SGCZ: variants seen among roughly 807,000 people sequenced by gnomAD.
The protein encoded by SGCZ is sarcoglycan zeta, also known as zeta-sarcoglycan.
Under a neutral mutation model 41.3 loss-of-function variants are expected in SGCZ, and 40 were observed. The observed-to-expected ratio is 0.97, with a 90% confidence interval of 0.75 to 1.26. The LOEUF is 1.26. Ranked by LOEUF, SGCZ falls within the 50% of genes most tolerant of loss-of-function variation. The probability of loss-of-function intolerance (pLI) is 0.00; values close to 1 mark genes in which losing one functional copy is unlikely to be tolerated. For missense variants in SGCZ, 552 were observed against 369.8 expected, an observed-to-expected ratio of 1.49 and a Z score of -4.04; for synonymous variants, 206 against 137.5, an observed-to-expected ratio of 1.50 and a Z score of -3.49.
intron 1 of SGCZ, among the ~76,000 whole-genome samples, chr8:14,931,586 G>T (rs115663772): frequency 6.6e-6 from 1 of 151,888 alleles, no homozygotes; most frequent in Non-Finnish European, 1.5e-5. Context: ...ATCTGATTAT[G>T]ATAGTCTTTT....
chr8:14,836,982 T>G (rs4240175), intron 1 of SGCZ, among the ~76,000 whole-genome samples: 98,791 of 151,964 alleles, frequency 0.65, 33,468 homozygotes, highest in African/African-American at 0.83. Context: ...ATAAACCTTT[T>G]CATATATACT....
chr8:14,897,153 T>A (rs1451521530), intron 1 of SGCZ, among the ~76,000 whole-genome samples: 2 of 152,144 alleles, frequency 1.3e-5, no homozygotes, highest in African/African-American at 4.8e-5. Flanking sequence ...ATTAGCTTGA[T>A]AGTGTTATTA....
At chr8:14,717,654 G>C (rs1028262112) in intron 1 of SGCZ, among the ~76,000 whole-genome samples, 3 of 152,048 alleles carry the variant, frequency 2.0e-5, no homozygotes, top group African/African-American at 2.4e-5. Flanking sequence ...TGCTGTGGTA[G>C]TCATTACATT....
chr8:14,965,571 A>G (rs181802625), intron 1 of SGCZ, among the ~76,000 whole-genome samples: 1 of 152,274 alleles, frequency 6.6e-6, no homozygotes, highest in Admixed American at 6.5e-5. Flanking sequence ...AATACACTAC[A>G]CTACAAGAAA....
At chr8:14,825,948 A>G (rs1466845633) in intron 1 of SGCZ, among the ~76,000 whole-genome samples, 1 of 151,762 alleles carries the variant, frequency 6.6e-6, no homozygotes, top group Non-Finnish European at 1.5e-5. Flanking sequence ...TAATTTTATT[A>G]TTATTATACT....
intron 2 of SGCZ, among the ~76,000 whole-genome samples, chr8:14,547,272 G>C (rs551216363): frequency 2.1e-4 from 32 of 152,226 alleles, no homozygotes; most frequent in African/African-American, 7.0e-4. Flanking sequence ...TGTTTCAAAA[G>C]AAGATTAGCT....
chr8:14,932,095 G>C (rs916006312), intron 1 of SGCZ, among the ~76,000 whole-genome samples: 2 of 151,798 alleles, frequency 1.3e-5, no homozygotes, highest in African/African-American at 2.4e-5. Flanking sequence ...GCTGGAAATA[G>C]AATGTGACAT....
At chr8:14,264,566 A>C (rs1799807003) in intron 3 of SGCZ, among the ~76,000 whole-genome samples, 1 of 152,146 alleles carries the variant, frequency 6.6e-6, no homozygotes, top group African/African-American at 2.4e-5. Context: ...AGTAACAAAA[A>C]TGGGCTTAGA....
intron 1 of SGCZ, among the ~76,000 whole-genome samples, chr8:14,798,394 G>C (rs1801207397): frequency 6.6e-6 from 1 of 152,020 alleles, no homozygotes; most frequent in Admixed American, 6.6e-5. Flanking sequence ...GTTACTTACA[G>C]GCTTTAATTT....
At chr8:14,560,887 A>C (rs1046280598) in intron 1 of SGCZ, among the ~76,000 whole-genome samples, 2 of 152,146 alleles carry the variant, frequency 1.3e-5, no homozygotes, top group African/African-American at 2.4e-5. Flanking sequence ...AAAGTTATGA[A>C]ATTAAAGCTA....
At chr8:15,219,320 G>A (rs268340) in intron 1 of SGCZ, among the ~76,000 whole-genome samples, 128,294 of 152,054 alleles carry the variant, frequency 0.84, 54,737 homozygotes, top group Non-Finnish European at 0.91. Flanking sequence ...TGTATAAAAT[G>A]TAAACACAAT....
intron 1 of SGCZ, among the ~76,000 whole-genome samples, chr8:15,024,451 G>C (rs959342933): frequency 2.6e-5 from 4 of 152,040 alleles, no homozygotes; most frequent in Admixed American, 6.6e-5. Flanking sequence ...CACTGAATAA[G>C]ACCAATAAAA....
rs150156699 is a variant in SGCZ at position 14,403,146 on chromosome 8, C to T, written c.235-78942G>A. The stretch of plus-strand genomic sequence containing the variant: ...ATTTTTGTACATTGATTTTGTATCC[C>T]GAGACTTTGCTGAAGTTGCTTATCA... On this transcript the variant is annotated intron_variant, in intron 2 of 7. Transcript: ENST00000382080. 1.2e-3 allele frequency among the ~76,000 whole-genome samples: 174 copies of T among 146,794 alleles called. 1 individual carries two copies. Among genetic ancestry groups the T allele is most frequent in the Middle Eastern group, 3.5e-3 (1 of 282 alleles).
In SGCZ at chr8:15,090,998, G is replaced by A. The variant is rs116536264; in HGVS notation, c.39+146587C>T. On this transcript the variant is annotated intron_variant, in intron 1 of 7. Transcript: ENST00000382080. ...TTTGATTCTACACATTAATTTTATGGCATCTACTTGACTGACAGTTACATA... is the reference window on the plus strand; with the variant it reads ...TTTGATTCTACACATTAATTTTATGACATCTACTTGACTGACAGTTACATA... Among the ~76,000 whole-genome samples the A allele has an allele frequency of 8.2e-3, 1,250 of 152,142 alleles. 15 individuals carry two copies. The highest frequency in any genetic ancestry group is 0.029 in the African/African-American group (1,208 of 41,512).
intron 3 of SGCZ, among the ~76,000 whole-genome samples, chr8:14,257,491 T>C (rs1799508695): frequency 3.3e-5 from 2 of 60,558 alleles, no homozygotes; most frequent in Admixed American, 3.1e-4. Flanking sequence ...TATGACAATT[T>C]TTTTTTTATA....
chr8:15,159,625 A>G (rs962446347), intron 1 of SGCZ, among the ~76,000 whole-genome samples: 1 of 152,006 alleles, frequency 6.6e-6, no homozygotes, highest in African/African-American at 2.4e-5. Flanking sequence ...CATATATTTC[A>G]TCATAGAAGT....
intron 5 of SGCZ, among the ~76,000 whole-genome samples, chr8:14,110,633 T>G (rs1275148060): frequency 1.3e-5 from 2 of 152,166 alleles, no homozygotes; most frequent in African/African-American, 4.8e-5. Context: ...AAATTCACTC[T>G]CCCTGTTTTT....
intron 2 of SGCZ, among the ~76,000 whole-genome samples, chr8:14,494,606 T>C (rs1801937622): frequency 1.3e-5 from 2 of 152,204 alleles, no homozygotes; most frequent in Non-Finnish European, 1.5e-5. Context: ...TGTTTGATTT[T>C]GTATTTTCAA....
At chr8:14,528,835 A>AAT (rs1554532902) in intron 2 of SGCZ, among the ~76,000 whole-genome samples, 15 of 124,294 alleles carry the variant, frequency 1.2e-4, no homozygotes, top group Middle Eastern at 4.3e-3. Context: ...GCCAAAAAAA[A>AAT]AACAAAACAA....
Sources: allele counts gnomAD v4.1 joint callset (sites outside exome capture counted in the v4.1 genomes callset), GRCh38; gene constraint gnomAD v4.1.1; transcripts MANE v1.5; gene names NCBI Gene and HGNC (gene_info 2026-07-23, HGNC 2026-07-21).